PCM1: variants seen among roughly 807,000 people sequenced by gnomAD.
PCM1 encodes pericentriolar material 1.
A neutral mutation model predicts 241.9 loss-of-function variants in PCM1; 157 were observed. That is an observed-to-expected ratio of 0.65 (90% CI 0.57 to 0.74). PCM1 has a LOEUF of 0.74. PCM1 is among the 30% of genes least tolerant of loss of function. The probability of loss-of-function intolerance (pLI) is 0.00; values close to 1 mark genes in which losing one functional copy is unlikely to be tolerated. For synonymous variants in PCM1, 1,085 were observed against 784.9 expected (o/e 1.38, Z -6.39); for missense variants, 3,478 against 2,360.1 (o/e 1.47, Z -9.81).
In PCM1 at chr8:17,989,239, A is replaced by C. The variant is rs540781317; in HGVS notation, c.4411-620A>C. 2.2e-4 allele frequency among the ~76,000 whole-genome samples: 33 copies of C among 152,104 alleles called. 1 individual carries two copies. Among genetic ancestry groups the C allele is most frequent in the African/African-American group, 7.7e-4 (32 of 41,542 alleles). Reference sequence around the variant, plus strand: ...TGTATGAAGTTCTACAACCAGCAGAACTGATCTACAGTGATAGAAATCATG... The same window carrying C: ...TGTATGAAGTTCTACAACCAGCAGACCTGATCTACAGTGATAGAAATCATG... On this transcript the variant is annotated intron_variant, in intron 26 of 38. Transcript: ENST00000325083.
rs187374156 is a variant in PCM1 at position 17,960,746 on chromosome 8, G to C, written c.2322+302G>C. ...TCACAGTGTTAGCCAGGATGGTTTC[G>C]ATCTCCTGACCTCGTGATTCGCCCG... On this transcript the variant is annotated intron_variant, in intron 15 of 38. Transcript: ENST00000325083. 7.6e-4 allele frequency among the ~76,000 whole-genome samples: 116 copies of C among 151,962 alleles called. No individual in the cohort carries two copies. In the East Asian group the frequency reaches 0.016, roughly 22 times the overall value.
At chr8:17,962,902 CAAA>C (rs376483193) in intron 16 of PCM1, 196 bp from the exon 17 acceptor site, 205 of 348,162 alleles carry the variant, frequency 5.9e-4, no homozygotes, top group Middle Eastern at 2.4e-3. Context: ...GACTCTGTCT[CAAA>C]AAAAAAAAAA....
At chr8:17,958,066 A>G (rs549241957) in intron 13 of PCM1, among the ~76,000 whole-genome samples, 1 of 152,362 alleles carries the variant, frequency 6.6e-6, no homozygotes, top group African/African-American at 2.4e-5. Context: ...TTATTTGCCA[A>G]TATAGCTTTA....
chr8:17,981,474 TG>T (rs999026656), intron 24 of PCM1, among the ~76,000 whole-genome samples: 4 of 152,180 alleles, frequency 2.6e-5, no homozygotes, highest in African/African-American at 2.4e-5. Flanking sequence ...TTGAGTCCCT[TG>T]GCAGCAGATA....
At chr8:17,983,503 T>TTACATATTC (rs2081622637) in intron 24 of PCM1, among the ~76,000 whole-genome samples, 1 of 152,240 alleles carries the variant, frequency 6.6e-6, no homozygotes, top group African/African-American at 2.4e-5. Context: ...CATATTCTGT[T>TTACATATTC]AGTGTATGTA....
chr8:17,965,874 C>T (rs1279829725), intron 18 of PCM1, 125 bp from the exon 19 acceptor site: 1 of 627,576 alleles, frequency 1.6e-6, no homozygotes, highest in Non-Finnish European at 2.7e-6. Flanking sequence ...TTTTTTAATA[C>T]TTTGTATGTT....
At chr8:18,014,492 C>T in intron 35 of PCM1, 92 bp from the exon 36 acceptor site, 1 of 982,404 alleles carries the variant, frequency 1.0e-6, no homozygotes, top group Non-Finnish European at 1.4e-6. Context: ...ATCTTGATTG[C>T]TCTTATTCAG....
chr8:17,976,777 C>T (rs186365586), intron 23 of PCM1, among the ~76,000 whole-genome samples: 13 of 151,540 alleles, frequency 8.6e-5, no homozygotes, highest in African/African-American at 3.2e-4. Flanking sequence ...TAGGCGATAA[C>T]ATCCTTATCT....
intron 9 of PCM1, among the ~76,000 whole-genome samples, chr8:17,953,617 C>G (rs575510026): frequency 6.6e-6 from 1 of 151,972 alleles, no homozygotes; most frequent in Non-Finnish European, 1.5e-5. Flanking sequence ...CTATGAAAAA[C>G]TTTTATATAT....
intron 6 of PCM1, among the ~76,000 whole-genome samples, chr8:17,941,231 C>T (rs998613107): frequency 6.6e-6 from 1 of 151,992 alleles, no homozygotes; most frequent in Non-Finnish European, 1.5e-5. Flanking sequence ...AGGGTTAGGA[C>T]GATGTGGGTA....
chr8:17,940,215 A>G (rs140284400), intron 6 of PCM1: 1 of 886,952 alleles, frequency 1.1e-6, no homozygotes, highest in Non-Finnish European at 1.8e-6. Flanking sequence ...TTTTTCTCCC[A>G]GTTTTCAAGA....
chr8:17,992,640 A>T (rs1260804480), intron 28 of PCM1, among the ~76,000 whole-genome samples: 5 of 136,544 alleles, frequency 3.7e-5, no homozygotes, highest in African/African-American at 5.5e-5. Context: ...TAATTTGAGC[A>T]CAGTCTTGCT....
In PCM1 at chr8:18,028,181, A is replaced by G. The variant is rs1427514346; in HGVS notation, c.*519A>G. On this transcript the variant is annotated 3_prime_UTR_variant, in exon 39 of 39. Coordinates refer to ENST00000325083, the MANE Select transcript of PCM1 (RefSeq NM_006197.4). ...CTTCTTTTAGATACCTGCAGGTCCT[A>G]TTCCTGTGCAAGAATAGGGCAGATT... 1 of 192,378 alleles carries G rather than the reference A, an allele frequency of 5.2e-6. No individual in the cohort carries two copies. The highest frequency in any genetic ancestry group is 2.3e-5 in the African/African-American group (1 of 43,094). The allele number at this position is 192,378 out of a possible 1,614,324, so 11.9% of individuals were successfully genotyped here.
Position 18,028,914 on chromosome 8 carries a change from G to C in PCM1, c.*1252G>C. ...CTCCTGTAATCCCAGCACCTTGGGA[G>C]GCCGAGGCGGGCAGATCACGAGGTC... is the stretch of plus-strand genomic sequence containing the variant. On this transcript the variant is annotated 3_prime_UTR_variant, in exon 39 of 39. Coordinates refer to ENST00000325083, the MANE Select transcript of PCM1 (RefSeq NM_006197.4). 1 of 181,242 alleles carries C rather than the reference G, an allele frequency of 5.5e-6. No homozygotes were observed. Among genetic ancestry groups the C allele is most frequent in the Non-Finnish European group, 1.2e-5 (1 of 84,820 alleles). 11.2% of individuals were successfully genotyped at this position (181,242 alleles called of 1,614,324 possible).
chr8:17,931,409 C>G (rs1044586151), intron 2 of PCM1, among the ~76,000 whole-genome samples: 1 of 152,084 alleles, frequency 6.6e-6, no homozygotes, highest in South Asian at 2.1e-4. Flanking sequence ...CTGCTTCAGC[C>G]TCCTGAGTAA....
intron 2 of PCM1, among the ~76,000 whole-genome samples, chr8:17,932,979 T>G (rs1272047127): frequency 1.3e-5 from 2 of 152,094 alleles, no homozygotes; most frequent in East Asian, 3.9e-4. Flanking sequence ...CTTGGGAGAA[T>G]TGAGAAAGTA....
At position 17,939,694 on chromosome 8, in the gene PCM1, G is replaced by T. The variant is rs748540983; in HGVS notation, c.616G>T (p.Val206Leu). 1.3e-5 allele frequency: 20 copies of T among 1,509,042 alleles called. No individual in the cohort carries two copies. Among genetic ancestry groups the T allele is most frequent in the East Asian group, 2.4e-5 (1 of 41,302 alleles). The allele number at this position is 1,509,042 out of a possible 1,614,324, so 93.5% of individuals were successfully genotyped here. Residue 206 changes from valine (V) to leucine (L), a missense_variant, in exon 6 of 39, where the codon GTA (valine) becomes TTA (leucine). By Grantham distance (32) the Val-to-Leu change is conservative. Coordinates refer to ENST00000325083, the MANE Select transcript of PCM1 (RefSeq NM_006197.4). ...GEPAMESSQI[V>L]SRLVQIRDYI... ...AAAAAAAATATTTCCCCTGCAGATT[G>T]TAAGCAGGCTTGTTCAAATTCGCGA...
At chr8:17,946,168 A>C (rs1182865667) in intron 6 of PCM1, among the ~76,000 whole-genome samples, 1 of 152,162 alleles carries the variant, frequency 6.6e-6, no homozygotes, top group African/African-American at 2.4e-5. Context: ...CCACTTATTT[A>C]ATCCATCCCT....
At chr8:17,943,870 G>T (rs2062974493) in intron 6 of PCM1, among the ~76,000 whole-genome samples, 1 of 151,974 alleles carries the variant, frequency 6.6e-6, no homozygotes, top group African/African-American at 2.4e-5. Context: ...CACAGTTGAG[G>T]GTCTTACATG....
Sources: allele counts gnomAD v4.1 joint callset (sites outside exome capture counted in the v4.1 genomes callset), GRCh38; gene constraint gnomAD v4.1.1; transcripts MANE v1.5; gene names NCBI Gene and HGNC (gene_info 2026-07-23, HGNC 2026-07-21).